The following ABHD5 variants were observed in gnomAD, a reference collection of about 807,000 sequenced individuals.
ABHD5 encodes 1-acylglycerol-3-phosphate O-acyltransferase ABHD5.
ABHD5 carries 30 observed loss-of-function variants against 44.9 expected under a neutral mutation model. That is an observed-to-expected ratio of 0.67 (90% CI 0.50 to 0.91). ABHD5 has a LOEUF of 0.91. Among genes scored for constraint, ABHD5 ranks in the 40% least tolerant of loss-of-function variants. ABHD5 has a pLI of 0.00. For synonymous variants in ABHD5, 167 were observed against 147.0 expected (o/e 1.14, Z -0.99); for missense variants, 399 against 423.4 (o/e 0.94, Z 0.50).
intron 3 of ABHD5, among the ~76,000 whole-genome samples, chr3:43,703,704 G>T (rs80194459): frequency 6.6e-6 from 1 of 152,122 alleles, no homozygotes; most frequent in Non-Finnish European, 1.5e-5. Context: ...TTTGAGGTCC[G>T]TGAGTGAGAC....
Position 43,702,777 on chromosome 3 carries a change from G to A in ABHD5, c.506+190G>A, listed in dbSNP as rs181123153. Among the ~76,000 whole-genome samples the A allele has an allele frequency of 6.4e-4, 98 of 152,234 alleles. No individual in the cohort carries two copies. In the East Asian group the frequency reaches 0.016, roughly 25 times the overall value. ...ATCATGTCAGATCTTCCTATTACAC[G>A]TACTACATGTTAATAGGCTTGGGAA... On this transcript the variant is annotated intron_variant, in intron 3 of 6. Transcript: ENST00000644371.
At chr3:43,709,775 T>C (rs1483500620) in intron 3 of ABHD5, among the ~76,000 whole-genome samples, 1 of 152,174 alleles carries the variant, frequency 6.6e-6, no homozygotes, top group Non-Finnish European at 1.5e-5. Flanking sequence ...CCGGGCACAG[T>C]GGCTCAGGCC....
chr3:43,691,162 T>A, intron 1 of ABHD5, 123 bp downstream of exon 1: 1 of 993,324 alleles, frequency 1.0e-6, no homozygotes, highest in Non-Finnish European at 1.3e-6. Flanking sequence ...GGCGGCTTCC[T>A]CGACCCTCCC....
chr3:43,727,684 C>T (rs1249798718), downstream of ABHD5, among the ~76,000 whole-genome samples: 2 of 152,212 alleles, frequency 1.3e-5, no homozygotes, highest in Non-Finnish European at 2.9e-5. Context: ...TCTCAGCTCA[C>T]TGCAACCTCC....
intron 4 of ABHD5, among the ~76,000 whole-genome samples, chr3:43,713,868 G>A (rs551372589): frequency 6.6e-6 from 1 of 152,110 alleles, no homozygotes; most frequent in Non-Finnish European, 1.5e-5. Context: ...CTTGCACTTG[G>A]GGGTGGGGAG....
chr3:43,694,033 C>T (rs1308708129), intron 1 of ABHD5, among the ~76,000 whole-genome samples: 2 of 142,618 alleles, frequency 1.4e-5, no homozygotes, highest in African/African-American at 2.8e-5. Context: ...TCTGGCCGGG[C>T]GCCGTGGTTC....
intron 7 of ABHD5, among the ~76,000 whole-genome samples, chr3:43,727,966 G>T (rs1374910358): frequency 6.6e-6 from 1 of 152,164 alleles, no homozygotes; most frequent in Non-Finnish European, 1.5e-5. Context: ...GAAAATGTTT[G>T]CAATCAGCAT....
At chr3:43,693,815 T>G (rs2084434250) in intron 1 of ABHD5, among the ~76,000 whole-genome samples, 1 of 152,040 alleles carries the variant, frequency 6.6e-6, no homozygotes, top group African/African-American at 2.4e-5. Context: ...ATCCTTGTTT[T>G]TATTTTTCAT....
chr3:43,732,150 G>T (rs971662543), intron 7 of ABHD5, among the ~76,000 whole-genome samples: 2 of 151,944 alleles, frequency 1.3e-5, no homozygotes, highest in African/African-American at 4.8e-5. Context: ...AGAGGGGAGG[G>T]CTTGGCACGG....
intron 3 of ABHD5, among the ~76,000 whole-genome samples, chr3:43,711,147 G>A (rs561607629): frequency 6.6e-6 from 1 of 152,296 alleles, no homozygotes; most frequent in Non-Finnish European, 1.5e-5. Flanking sequence ...AGTGTTTTCA[G>A]TCCACGTTAC....
At chr3:43,732,741 A>G (rs908950444) in intron 7 of ABHD5, among the ~76,000 whole-genome samples, 2 of 152,260 alleles carry the variant, frequency 1.3e-5, no homozygotes, top group African/African-American at 4.8e-5. Flanking sequence ...GAATTCAGAC[A>G]TGGCTGAGCT....
intron 5 of ABHD5, among the ~76,000 whole-genome samples, chr3:43,716,123 CAG>C (rs749867532): frequency 5.3e-5 from 8 of 152,108 alleles, no homozygotes; most frequent in Non-Finnish European, 1.2e-4. Flanking sequence ...GTGGAGAAAA[CAG>C]AGCCTGAAGA....
chr3:43,700,678 A>G (rs2084530393), intron 2 of ABHD5, among the ~76,000 whole-genome samples: 1 of 150,478 alleles, frequency 6.6e-6, no homozygotes, highest in Non-Finnish European at 1.5e-5. Flanking sequence ...GGTTCAAGCA[A>G]TTCTCCTGCC....
At chr3:43,711,618 A>C (rs2084689036) in intron 3 of ABHD5, 91 bp from the exon 4 acceptor site, 4 of 1,477,446 alleles carry the variant, frequency 2.7e-6, no homozygotes, top group Non-Finnish European at 3.8e-6. Context: ...AAGGTGGTTC[A>C]TTCTACCTTT....
At chr3:43,732,782 C>T (rs1476155713) in intron 7 of ABHD5, among the ~76,000 whole-genome samples, 1 of 152,116 alleles carries the variant, frequency 6.6e-6, no homozygotes, top group Non-Finnish European at 1.5e-5. Context: ...TTTGCATGGC[C>T]GCAGTCAAGA....
chr3:43,693,669 A>G (rs1247457291), intron 1 of ABHD5, among the ~76,000 whole-genome samples: 1 of 150,612 alleles, frequency 6.6e-6, no homozygotes, highest in Non-Finnish European at 1.5e-5. Context: ...TGAAACTCTT[A>G]TTAGACATTC....
chr3:43,700,219 A>G (rs1452673107), intron 2 of ABHD5, among the ~76,000 whole-genome samples: 1 of 152,180 alleles, frequency 6.6e-6, no homozygotes, highest in Non-Finnish European at 1.5e-5. Flanking sequence ...TTCTAGTTCT[A>G]GCATTCTAGG....
chr3:43,691,086 T>G (rs781775756), intron 1 of ABHD5, 47 bp downstream of exon 1: 1 of 1,500,698 alleles, frequency 6.7e-7, no homozygotes. Context: ...GCGCGCACCC[T>G]CCGCGCGGGC....
At chr3:43,693,490 A>T (rs897691587) in intron 1 of ABHD5, among the ~76,000 whole-genome samples, 9 of 152,174 alleles carry the variant, frequency 5.9e-5, no homozygotes, top group African/African-American at 2.2e-4. Flanking sequence ...CTGGCAAGAT[A>T]TGTGCCTTTC....
Sources: gnomAD v4.1 joint callset for allele counts (sites outside exome capture counted in the v4.1 genomes callset) on GRCh38, gnomAD v4.1.1 for gene constraint, MANE v1.5 for transcripts, NCBI Gene and HGNC (gene_info 2026-07-23, HGNC 2026-07-21) for gene names.